SMURF1: variants seen among roughly 807,000 people sequenced by gnomAD.
SMURF1 encodes the protein E3 ubiquitin-protein ligase SMURF1.
A neutral mutation model predicts 98.0 loss-of-function variants in SMURF1; 44 were observed. The ratio of observed to expected loss-of-function variants is 0.45; its 90% CI spans 0.35 to 0.58. The LOEUF (loss-of-function observed/expected upper bound fraction) is 0.58, where lower values mean the gene tolerates loss of function less well. Among genes scored for constraint, SMURF1 ranks in the 20% least tolerant of loss-of-function variants. SMURF1 has a pLI of 0.00. For synonymous variants in SMURF1, 396 were observed against 374.9 expected (o/e 1.06, Z -0.65); for missense variants, 687 against 938.4 (o/e 0.73, Z 3.50).
chr7:99,119,491 G>T (rs1033719161), intron 1 of SMURF1, among the ~76,000 whole-genome samples: 2 of 152,200 alleles, frequency 1.3e-5, no homozygotes, highest in Non-Finnish European at 2.9e-5. Context: ...TGAGATTCTA[G>T]AAGTGTTTAT....
intron 1 of SMURF1, among the ~76,000 whole-genome samples, chr7:99,078,500 A>AC (rs907928292): frequency 3.9e-4 from 59 of 151,730 alleles, no homozygotes; most frequent in African/African-American, 1.1e-3. Flanking sequence ...GGGGTCCTCA[A>AC]CCCCCCCTCC....
At position 99,057,206 on chromosome 7, in the gene SMURF1, C is replaced by G; in HGVS notation, c.402G>C (p.Val134=). 1 of 1,613,876 alleles carries G rather than the reference C, an allele frequency of 6.2e-7. No individual in the cohort carries two copies. Among genetic ancestry groups the G allele is most frequent in the East Asian group, 2.2e-5 (1 of 44,890 alleles). ...SDTDAVRGQI[V]VSLQTRDRIG... ...TTACACAGACAAGAAAGTTCTTACCCACTATCTGGCCACGAACTGCATCAG... is the reference window on the plus strand; with the variant it reads ...TTACACAGACAAGAAAGTTCTTACCGACTATCTGGCCACGAACTGCATCAG... The change falls in exon 5 of 18, where the codon GTG becomes GTC. Residue 134 remains valine, a splice_region_variant and synonymous_variant. Transcript: ENST00000361368.
intron 1 of SMURF1, among the ~76,000 whole-genome samples, chr7:99,117,854 C>T (rs866845879): frequency 3.4e-4 from 51 of 151,648 alleles, no homozygotes; most frequent in African/African-American, 1.1e-3. Flanking sequence ...CCAAGGCAGG[C>T]GGACCACCTG....
At chr7:99,056,992 C>CAAAAAAAAAAAAAAAACA (rs76600092) in intron 5 of SMURF1, among the ~76,000 whole-genome samples, 1 of 108,844 alleles carries the variant, frequency 9.2e-6, no homozygotes, top group African/African-American at 3.4e-5. Context: ...AAAAAAAAAC[C>CAAAAAAAAAAAAAAAACA]AAAAAAAAAA....
intron 1 of SMURF1, among the ~76,000 whole-genome samples, chr7:99,085,360 AAAAAAAAAAAAGAAAAG>A (rs1374978675): frequency 2.0e-5 from 3 of 150,492 alleles, no homozygotes; most frequent in Non-Finnish European, 4.4e-5. Context: ...TCTCAAAAAA[AAAAAAAAAAAAGAAAAG>A]AAAAGAAAAG....
intron 1 of SMURF1, among the ~76,000 whole-genome samples, chr7:99,139,054 T>C (rs754263373): frequency 2.0e-5 from 3 of 152,210 alleles, no homozygotes; most frequent in African/African-American, 4.8e-5. Context: ...AAGTTTTGCC[T>C]GCCTCACATA....
At chr7:99,136,743 G>A (rs1451425199) in intron 1 of SMURF1, among the ~76,000 whole-genome samples, 1 of 152,136 alleles carries the variant, frequency 6.6e-6, no homozygotes, top group Non-Finnish European at 1.5e-5. Context: ...TTGAGCTCAG[G>A]AATTCAAGAC....
In SMURF1 at chr7:99,057,267, T is replaced by A. The variant is rs1795900022; in HGVS notation, c.341A>T (p.Gln114Leu). Residue 114 changes from glutamine (Q) to leucine (L), a missense_variant, in exon 5 of 18, where the codon CAG becomes CTG. This residue lies in a region of SMURF1 where 415 missense variants were observed against 508.4 expected (regional missense o/e 0.82). Transcript: ENST00000361368. ...GTTTAGTTTGCATAGATCCAAACGC[T>A]GGTCTGTAAACAAACAATTCAAAAC... ...AISRLKDTGY[Q>L]RLDLCKLNPS... 1.2e-6 allele frequency: 2 copies of A among 1,614,058 alleles called. No individual in the cohort carries two copies. The highest frequency in any genetic ancestry group is 2.7e-5 in the African/African-American group (2 of 74,930).
intron 10 of SMURF1, 52 bp downstream of exon 10, chr7:99,047,632 T>C (rs1010400447): frequency 5.7e-6 from 9 of 1,573,098 alleles, no homozygotes; most frequent in African/African-American, 2.7e-5. Context: ...TTTGTCTGAA[T>C]TGCCTTATTT....
chr7:99,099,156 T>C (rs911182200), intron 1 of SMURF1, among the ~76,000 whole-genome samples: 2 of 151,704 alleles, frequency 1.3e-5, no homozygotes, highest in Non-Finnish European at 1.5e-5. Flanking sequence ...TTCTATGCAA[T>C]GTTAAGGAAT....
chr7:99,141,965 G>C (rs899003050), intron 1 of SMURF1, among the ~76,000 whole-genome samples: 4 of 152,190 alleles, frequency 2.6e-5, no homozygotes, highest in Non-Finnish European at 5.9e-5. Flanking sequence ...GGAAATATTC[G>C]AGTTTGGAAA....
intron 1 of SMURF1, among the ~76,000 whole-genome samples, chr7:99,104,031 C>T (rs1218809626): frequency 2.0e-5 from 3 of 151,882 alleles, no homozygotes; most frequent in Non-Finnish European, 4.4e-5. Context: ...GGATTACATG[C>T]GTGCGTCACC....
intron 9 of SMURF1, chr7:99,049,348 TAAG>T (rs567923805): frequency 1.7e-4 from 93 of 539,640 alleles, no homozygotes; most frequent in Non-Finnish European, 2.9e-4. Context: ...AGGCTGCAAG[TAAG>T]AAAAGGGTAG....
At position 99,092,197 on chromosome 7, in the gene SMURF1, A is replaced by G. The variant is rs115440331; in HGVS notation, c.56-30360T>C. Among the ~76,000 whole-genome samples, 1,110 of 152,314 alleles carry G rather than the reference A, an allele frequency of 7.3e-3. 16 individuals are homozygous for G. The highest frequency in any genetic ancestry group is 0.025 in the African/African-American group (1,024 of 41,566). On this transcript the variant is annotated intron_variant, in intron 1 of 17. Coordinates refer to ENST00000361368, the MANE Select transcript of SMURF1 (RefSeq NM_181349.3). Reference sequence around the variant, plus strand: ...ACCACTATCACCTATCGAGGACTCAAAGGTCTGGCAATACAATGAAAGCTT... The same window carrying G: ...ACCACTATCACCTATCGAGGACTCAGAGGTCTGGCAATACAATGAAAGCTT...
chr7:99,040,684 A>C, intron 12 of SMURF1, 128 bp from the exon 13 acceptor site: 1 of 806,740 alleles, frequency 1.2e-6, no homozygotes, highest in South Asian at 4.0e-5. Context: ...TCAGGGACTC[A>C]CAGGCCCCGC....
At chr7:99,140,064 G>A (rs1234373320) in intron 1 of SMURF1, among the ~76,000 whole-genome samples, 2 of 152,120 alleles carry the variant, frequency 1.3e-5, no homozygotes, top group African/African-American at 4.8e-5. Context: ...GATATATCCT[G>A]TGAGAAGGAG....
chr7:99,122,300 C>A (rs1384784208), intron 1 of SMURF1, among the ~76,000 whole-genome samples: 1 of 149,124 alleles, frequency 6.7e-6, no homozygotes, highest in Non-Finnish European at 1.5e-5. Context: ...CGCACTCCAG[C>A]CTGGGCAATA....
Position 99,069,240 on chromosome 7 carries a change from C to T in SMURF1, c.56-7403G>A, listed in dbSNP as rs75145629. Among the ~76,000 whole-genome samples the T allele has an allele frequency of 9.6e-3, 1,468 of 152,268 alleles. 13 individuals are homozygous for T. The highest frequency in any genetic ancestry group is 0.015 in the Non-Finnish European group (1,034 of 68,024). ...CAACTCTAACCATCAGTGATCAGCT[C>T]CCTCTTTTTAATCCTATTTAAGAAT... is the stretch of plus-strand genomic sequence containing the variant. On this transcript the variant is annotated intron_variant, in intron 1 of 17. Transcript: ENST00000361368.
At chr7:99,084,620 T>G (rs1313910768) in intron 1 of SMURF1, among the ~76,000 whole-genome samples, 1 of 152,196 alleles carries the variant, frequency 6.6e-6, no homozygotes, top group Non-Finnish European at 1.5e-5. Context: ...CTTGGCCTCA[T>G]GATCCACCCA....
Sources: allele counts gnomAD v4.1 joint callset (sites outside exome capture counted in the v4.1 genomes callset), GRCh38; gene constraint gnomAD v4.1.1; regional missense constraint gnomAD v4.1.1; transcripts MANE v1.5; gene names NCBI Gene and HGNC (gene_info 2026-07-23, HGNC 2026-07-21).